Variants in CCDC30 observed in about 807,000 individuals in gnomAD.
The protein encoded by CCDC30 is coiled-coil domain containing 30.
CCDC30 carries 70 observed loss-of-function variants against 100.2 expected under a neutral mutation model. The observed-to-expected ratio is 0.70, with a 90% confidence interval of 0.58 to 0.85. CCDC30 has a LOEUF of 0.85. Among genes scored for constraint, CCDC30 ranks in the 40% least tolerant of loss-of-function variants. The probability of loss-of-function intolerance (pLI) is 0.00; values close to 1 mark genes in which losing one functional copy is unlikely to be tolerated. For missense variants in CCDC30, 652 were observed against 771.2 expected, an observed-to-expected ratio of 0.85 and a Z score of 1.83; for synonymous variants, 233 against 269.5, an observed-to-expected ratio of 0.86 and a Z score of 1.33.
At chr1:42,646,371 C>A (rs1487727341) in intron 15 of CCDC30, 54 bp downstream of exon 19, 1 of 1,349,184 alleles carries the variant, frequency 7.4e-7, no homozygotes, top group Non-Finnish European at 9.6e-7. Flanking sequence ...TTCTGCCAGG[C>A]ACCCACTGTT....
chr1:42,595,799 A>G (rs769659379), intron 10 of CCDC30, among the ~76,000 whole-genome samples: 4 of 152,174 alleles, frequency 2.6e-5, no homozygotes, highest in Non-Finnish European at 5.9e-5. Context: ...AAAAATATAT[A>G]TTCCTGCTAT....
chr1:42,602,504 A>G (rs1646424273), intron 10 of CCDC30, among the ~76,000 whole-genome samples: 1 of 152,242 alleles, frequency 6.6e-6, no homozygotes, highest in African/African-American at 2.4e-5. Flanking sequence ...GCAATCATCA[A>G]TAAATATTAT....
At chr1:42,508,449 A>G (rs1644428575) in intron 6 of CCDC30, among the ~76,000 whole-genome samples, 1 of 152,134 alleles carries the variant, frequency 6.6e-6, no homozygotes, top group South Asian at 2.1e-4. Context: ...GCAAAGAAGT[A>G]AGTATCCCTC....
chr1:42,501,793 G>A (rs921597727), intron 6 of CCDC30, among the ~76,000 whole-genome samples: 1 of 152,182 alleles, frequency 6.6e-6, no homozygotes, highest in Non-Finnish European at 1.5e-5. Flanking sequence ...AGCAAATGTT[G>A]CTGCCTGATC....
At position 42,525,709 on chromosome 1, in the gene CCDC30, G is replaced by A. The variant is rs1331536614; in HGVS notation, c.456+26793G>A. ...AAACTTTGTTTTCACAGTAGGTTAAGTTACTTGCTGAATAGCTTAATTCTT... is the reference window on the plus strand; with the variant it reads ...AAACTTTGTTTTCACAGTAGGTTAAATTACTTGCTGAATAGCTTAATTCTT... On this transcript the variant is annotated intron_variant, in intron 6 of 16. Transcript: ENST00000668663. Among the ~76,000 whole-genome samples the A allele has an allele frequency of 2.0e-5, 3 of 152,302 alleles. No homozygotes were observed. In the East Asian group the frequency reaches 5.8e-4, roughly 29 times the overall value.
At chr1:42,592,098 G>C (rs996775448) in intron 10 of CCDC30, 2 of 152,302 alleles carry the variant, frequency 1.3e-5, no homozygotes, top group African/African-American at 4.8e-5. Context: ...AGGCTCATAA[G>C]TGGAAGGAGA....
intron 6 of CCDC30, among the ~76,000 whole-genome samples, chr1:42,499,796 T>C (rs1037554636): frequency 6.6e-6 from 1 of 151,638 alleles, no homozygotes; most frequent in African/African-American, 2.4e-5. Context: ...TTTTTTTAAG[T>C]TTTTAAACTT....
At chr1:42,656,290 A>G (rs1429609514), downstream of CCDC30, among the ~76,000 whole-genome samples, 1 of 152,230 alleles carries the variant, frequency 6.6e-6, no homozygotes, top group East Asian at 1.9e-4. Context: ...GTCAAAGGAT[A>G]TAAATGTTAA....
chr1:42,492,360 TA>T, intron 4 of CCDC30: 2 of 203,208 alleles, frequency 9.8e-6, no homozygotes, highest in Non-Finnish European at 2.0e-5. Flanking sequence ...GTTAGAAAAG[TA>T]AAAATGCTGA....
chr1:42,644,429 A>C (rs183166111), intron 13 of CCDC30, among the ~76,000 whole-genome samples: 21 of 152,166 alleles, frequency 1.4e-4, no homozygotes, highest in African/African-American at 4.6e-4. Flanking sequence ...CCAGCCCACG[A>C]CTCAAATGTT....
intron 14 of CCDC30, among the ~76,000 whole-genome samples, chr1:42,645,241 A>G (rs1332787684): frequency 1.3e-5 from 2 of 152,086 alleles, no homozygotes; most frequent in Non-Finnish European, 2.9e-5. Context: ...TCTCAACAGC[A>G]CTGTTTGCCA....
chr1:42,528,480 G>T (rs1644757391), intron 6 of CCDC30, among the ~76,000 whole-genome samples: 1 of 152,168 alleles, frequency 6.6e-6, no homozygotes, highest in East Asian at 1.9e-4. Flanking sequence ...ACATGGCCAG[G>T]GAAAGCCTTC....
chr1:42,609,491 G>A (rs555618670), intron 10 of CCDC30, among the ~76,000 whole-genome samples: 3 of 152,216 alleles, frequency 2.0e-5, no homozygotes, highest in African/African-American at 7.2e-5. Flanking sequence ...CTCTCATGTT[G>A]TTCAGGGGTT....
At chr1:42,460,116 T>C (rs1643371230), upstream of CCDC30, 5 of 1,358,778 alleles carry the variant, frequency 3.7e-6, no homozygotes, top group Non-Finnish European at 4.7e-6. Context: ...GATTTTGAAA[T>C]TGAACACTAG....
intron 3 of CCDC30, among the ~76,000 whole-genome samples, chr1:42,489,576 C>T (rs749162523): frequency 6.6e-5 from 10 of 152,232 alleles, no homozygotes; most frequent in South Asian, 2.1e-4. Flanking sequence ...ATAATATAGG[C>T]GATCCACTAG....
At chr1:42,502,776 G>C (rs984365666) in intron 6 of CCDC30, among the ~76,000 whole-genome samples, 3 of 152,152 alleles carry the variant, frequency 2.0e-5, no homozygotes, top group Non-Finnish European at 2.9e-5. Flanking sequence ...TTTTACATAA[G>C]TGGAACCATA....
chr1:42,630,523 T>C (rs1186003177), intron 11 of CCDC30, among the ~76,000 whole-genome samples: 3 of 151,902 alleles, frequency 2.0e-5, no homozygotes, highest in South Asian at 4.2e-4. Flanking sequence ...GCTGGAATTA[T>C]AGGTGCGTGC....
intron 8 of CCDC30, 93 bp from the exon 13 acceptor site, chr1:42,581,267 C>G: frequency 1.1e-6 from 1 of 908,370 alleles, no homozygotes; most frequent in Non-Finnish European, 1.7e-6. Flanking sequence ...TATGTTAGCA[C>G]TGCTATGTTT....
chr1:42,491,045 AAAAATTT>A (rs1644132059), intron 4 of CCDC30, among the ~76,000 whole-genome samples: 1 of 152,242 alleles, frequency 6.6e-6, no homozygotes, highest in South Asian at 2.1e-4. Context: ...GTAACAGCTA[AAAAATTT>A]TTAAATACGT....
Sources: gnomAD v4.1 joint callset for allele counts (sites outside exome capture counted in the v4.1 genomes callset) on GRCh38, gnomAD v4.1.1 for gene constraint, MANE v1.5 for transcripts, NCBI Gene and HGNC (gene_info 2026-07-23, HGNC 2026-07-21) for gene names.